RANBP2: variants seen among roughly 807,000 people sequenced by gnomAD.
The protein encoded by RANBP2 is E3 SUMO-protein ligase RanBP2.
Under a neutral mutation model 303.6 loss-of-function variants are expected in RANBP2, and 57 were observed. That is an observed-to-expected ratio of 0.19 (90% CI 0.15 to 0.23). RANBP2 has a LOEUF of 0.23. RANBP2 is among the 10% of genes least tolerant of loss of function. The pLI is 1.00. For synonymous variants in RANBP2, 1,167 were observed against 1,301.5 expected (o/e 0.90, Z 2.23); for missense variants, 3,138 against 3,780.8 (o/e 0.83, Z 4.46).
At chr2:109,495,537 AGT>A in the RANBP2 span, among the ~76,000 whole-genome samples, 81,924 of 136,884 alleles carry the variant, frequency 0.6, 24,488 homozygotes, top group East Asian at 0.75. Flanking sequence ...TGTCTGCTGG[AGT>A]GTGCAGCGGT....
the RANBP2 span, among the ~76,000 whole-genome samples, chr2:108,814,819 A>G: frequency 6.6e-6 from 1 of 151,754 alleles, no homozygotes; most frequent in Non-Finnish European, 1.5e-5. Flanking sequence ...TATTTTTAGT[A>G]GAGACAGCGT....
the RANBP2 span, among the ~76,000 whole-genome samples, chr2:109,498,005 G>A: frequency 1.3e-5 from 2 of 152,212 alleles, no homozygotes; most frequent in Non-Finnish European, 2.9e-5. Flanking sequence ...GTGGGCCCTC[G>A]CAGCCTCAGT....
chr2:109,584,677 C>T, the RANBP2 span, among the ~76,000 whole-genome samples: 1 of 151,986 alleles, frequency 6.6e-6, no homozygotes, highest in African/African-American at 2.4e-5. Context: ...ATTTCACTAT[C>T]AAAACTTTCC....
the RANBP2 span, among the ~76,000 whole-genome samples, chr2:109,018,030 T>C: frequency 6.6e-6 from 1 of 152,244 alleles, no homozygotes; most frequent in South Asian, 2.1e-4. Context: ...CACAGATGTT[T>C]CATTAATTGG....
chr2:109,712,300 A>G, the RANBP2 span, among the ~76,000 whole-genome samples: 4 of 152,186 alleles, frequency 2.6e-5, no homozygotes, highest in Non-Finnish European at 5.9e-5. Context: ...ACTCATTCTC[A>G]GGCTGACACC....
At chr2:108,737,936 G>T (rs1189163773) in intron 6 of RANBP2, among the ~76,000 whole-genome samples, 1 of 151,502 alleles carries the variant, frequency 6.6e-6, no homozygotes, top group Non-Finnish European at 1.5e-5. Context: ...GGATGGTCTC[G>T]ATCTCCTGAC....
the RANBP2 span, among the ~76,000 whole-genome samples, chr2:108,987,597 C>T: frequency 6.6e-6 from 1 of 152,216 alleles, no homozygotes; most frequent in African/African-American, 2.4e-5. Context: ...AGTGTATTTA[C>T]TTTTTCCTCC....
the RANBP2 span, chr2:109,732,686 T>C: frequency 1.7e-6 from 1 of 579,028 alleles, no homozygotes. Context: ...GCCAGGCTGG[T>C]CTTGAACTCC....
chr2:108,987,397 A>C, the RANBP2 span, among the ~76,000 whole-genome samples: 2 of 152,192 alleles, frequency 1.3e-5, no homozygotes, highest in African/African-American at 4.8e-5. Context: ...ACTCCGGAGC[A>C]ATGTTGGGCT....
At chr2:109,135,772 C>T in the RANBP2 span, among the ~76,000 whole-genome samples, 2 of 152,138 alleles carry the variant, frequency 1.3e-5, no homozygotes, top group Non-Finnish European at 2.9e-5. Context: ...GGCATCTATG[C>T]GGAGTAGTTG....
chr2:109,200,896 C>T, the RANBP2 span, among the ~76,000 whole-genome samples: 3 of 152,204 alleles, frequency 2.0e-5, no homozygotes, highest in Non-Finnish European at 2.9e-5. Flanking sequence ...TGTTTCATGT[C>T]ACTCCTCCTT....
the RANBP2 span, among the ~76,000 whole-genome samples, chr2:108,831,700 T>TTCCTTCCTTCCTTC: frequency 2.8e-5 from 4 of 145,260 alleles, no homozygotes; most frequent in East Asian, 4.2e-4. Context: ...TGGCACAGAA[T>TTCCTTCCTTCCTTC]CTTCCTTCCT....
the RANBP2 span, chr2:109,614,625 C>T: frequency 8.9e-6 from 13 of 1,463,408 alleles, no homozygotes; most frequent in Non-Finnish European, 1.1e-5. Context: ...AGGCGGCGAA[C>T]CGGAGCAGCG....
At chr2:109,681,455 T>C in the RANBP2 span, among the ~76,000 whole-genome samples, 1 of 152,218 alleles carries the variant, frequency 6.6e-6, no homozygotes, top group East Asian at 1.9e-4. Flanking sequence ...TATGAAGATA[T>C]CTTTGGTTGG....
chr2:108,899,843 T>A, the RANBP2 span, among the ~76,000 whole-genome samples: 2 of 151,764 alleles, frequency 1.3e-5, no homozygotes, highest in Non-Finnish European at 1.5e-5. Context: ...AAAAACACAT[T>A]GGCGTGGTAG....
chr2:108,738,608 T>C (rs1371589996), intron 6 of RANBP2, among the ~76,000 whole-genome samples: 1 of 151,998 alleles, frequency 6.6e-6, no homozygotes, highest in Non-Finnish European at 1.5e-5. Context: ...AGAAGCTCTA[T>C]TGTGTGTTAA....
the RANBP2 span, among the ~76,000 whole-genome samples, chr2:109,630,299 C>G: frequency 1.3e-5 from 2 of 152,166 alleles, no homozygotes; most frequent in African/African-American, 4.8e-5. Flanking sequence ...ATGCCTTTGA[C>G]AGGCAAACAA....
the RANBP2 span, chr2:109,564,443 C>T: frequency 2.5e-6 from 4 of 1,599,220 alleles, no homozygotes; most frequent in Admixed American, 5.1e-5. Flanking sequence ...GCTCATAGTG[C>T]CTGGTATGGG....
chr2:109,386,735 AG>A, the RANBP2 span, among the ~76,000 whole-genome samples: 1 of 152,202 alleles, frequency 6.6e-6, no homozygotes, highest in Non-Finnish European at 1.5e-5. Context: ...GCTGTCACCT[AG>A]GGCTGGAAAC....
Sources: gnomAD v4.1 joint callset for allele counts (sites outside exome capture counted in the v4.1 genomes callset) on GRCh38, gnomAD v4.1.1 for gene constraint, MANE v1.5 for transcripts, NCBI Gene and HGNC (gene_info 2026-07-23, HGNC 2026-07-21) for gene names.